ANKRD13D: variants seen among roughly 807,000 people sequenced by gnomAD.
ANKRD13D encodes ankyrin repeat domain 13D.
Under a neutral mutation model 68.8 loss-of-function variants are expected in ANKRD13D, and 24 were observed. That is an observed-to-expected ratio of 0.35 (90% CI 0.25 to 0.49). The LOEUF (loss-of-function observed/expected upper bound fraction) is 0.49. Ranked by LOEUF, ANKRD13D falls within the 20% of genes least tolerant of loss-of-function variation. ANKRD13D has a pLI of 0.99. For missense variants in ANKRD13D, 735 were observed against 832.1 expected (o/e 0.88, Z 1.44); for synonymous variants, 331 against 336.1 (o/e 0.98, Z 0.16).
In ANKRD13D at chr11:67,291,029, T is replaced by C. The variant is rs1860518567; in HGVS notation, c.352-447T>C. On this transcript the variant is annotated intron_variant, in intron 3 of 14. Transcript: ENST00000511455. ...TTGGCCCACCCTCTCCAGGGCAGAG[T>C]GGTTGGGCGTAGCTGAGCCATAGCA... The C allele has an allele frequency of 4.6e-5, 9 of 195,254 alleles. No individual in the cohort carries two copies. In the South Asian group the frequency reaches 7.3e-4, roughly 16 times the overall value. 12.1% of individuals were successfully genotyped at this position (195,254 alleles called of 1,614,324 possible).
rs1169267504 is a variant in ANKRD13D at position 67,300,069 on chromosome 11, GC to G, written c.1021del (p.Leu341TrpfsTer25). 1 of 1,613,980 alleles carries G rather than the reference GC, an allele frequency of 6.2e-7. No homozygotes were observed. Among genetic ancestry groups the G allele is most frequent in the Non-Finnish European group, 8.5e-7 (1 of 1,179,994 alleles). ...SPEEYFDPNF[S>X]LESRNIGRPI... Reference sequence around the variant, plus strand: ...GAGGAGTACTTCGACCCCAACTTCAGCCTGGAGTCACGGAACATTGGCCGCC... The same window carrying G: ...GAGGAGTACTTCGACCCCAACTTCAGCTGGAGTCACGGAACATTGGCCGCC... On this transcript the variant is annotated frameshift_variant, in exon 10 of 15. Coordinates refer to ENST00000511455, the MANE Select transcript of ANKRD13D (RefSeq NM_207354.3). LOFTEE classifies it high-confidence loss of function. The surrounding 1 kb of genome is among the most constrained non-coding windows in gnomAD (Gnocchi z 4.3).
chr11:67,296,114 G>T (rs1469571685), intron 6 of ANKRD13D, among the ~76,000 whole-genome samples: 2 of 152,092 alleles, frequency 1.3e-5, no homozygotes, highest in Non-Finnish European at 2.9e-5. Flanking sequence ...TGCTAGATTT[G>T]GTTGGTTCGT....
Position 67,301,082 on chromosome 11 carries a change from C to T in ANKRD13D, c.1166C>T (p.Ala389Val), listed in dbSNP as rs748815373. The T allele has an allele frequency of 1.9e-5, 31 of 1,613,998 alleles. No homozygotes were observed. Among genetic ancestry groups the T allele is most frequent in the Non-Finnish European group, 2.4e-5 (28 of 1,180,056 alleles). ...PIIDLMAISN[A>V]HFAKLRDFIT... ...ATCGACCTAATGGCCATCAGCAACG[C>T]TCACTTTGCCAAGCTGCGCGACTTC... Residue 389 changes from alanine to valine, a missense_variant, in exon 11 of 15, where the codon GCT (alanine) becomes GTT (valine). By Grantham distance (64) the Ala-to-Val change is moderately conservative. Transcript: ENST00000511455. The surrounding 1 kb of genome is among the most constrained non-coding windows in gnomAD (Gnocchi z 4.5).
chr11:67,300,979 C>T lies in ANKRD13D; in HGVS notation c.1074-11C>T, dbSNP rs565711671. On this transcript the variant is annotated splice_polypyrimidine_tract_variant and intron_variant, in intron 10 of 14. Transcript: ENST00000511455. This position sits in a 1 kb window ranked among gnomAD's most constrained non-coding sequence, Gnocchi z 4.3. ...CCGTGCCTCACCCATGTCCTGTGGT[C>T]GGCTGGGCAGGTTCAAGGCAACACT... is the stretch of plus-strand genomic sequence containing the variant. The T allele has an allele frequency of 2.0e-5, 32 of 1,613,194 alleles. No homozygotes were observed. The East Asian group carries it at 5.1e-4, about 26-fold the overall frequency.
At position 67,299,145 on chromosome 11, in the gene ANKRD13D, G is replaced by A. The variant is rs778713210; in HGVS notation, c.798+21G>A. The A allele has an allele frequency of 6.2e-7, 1 of 1,600,778 alleles. No homozygotes were observed. The highest frequency in any genetic ancestry group is 1.1e-5 in the South Asian group (1 of 90,806). ...CCAAGGCAGGAGAGGCTAGGGGTGG[G>A]GGGCTGGGGGTAGGAGATGAGGTCC... is the stretch of plus-strand genomic sequence containing the variant. On this transcript the variant is annotated intron_variant, in intron 7 of 14. Coordinates refer to ENST00000511455, the MANE Select transcript of ANKRD13D (RefSeq NM_207354.3). The surrounding 1 kb of genome is among the most constrained non-coding windows in gnomAD (Gnocchi z 6.2).
At position 67,291,796 on chromosome 11, in the gene ANKRD13D, C is replaced by A; in HGVS notation, c.541+50C>A. The A allele has an allele frequency of 1.9e-6, 3 of 1,600,450 alleles. No individual in the cohort carries two copies. The South Asian group carries it at 3.3e-5, about 18-fold the overall frequency. ...AGCTCCTCGGCCCTTGGGTTTCCTG[C>A]GGCTTGGGAGGACGGTGCTGCCTTT... On this transcript the variant is annotated intron_variant, in intron 5 of 14. Coordinates refer to ENST00000511455, the MANE Select transcript of ANKRD13D (RefSeq NM_207354.3).
chr11:67,301,470 C>G lies in ANKRD13D; in HGVS notation c.1349-18C>G. 1 of 1,610,670 alleles carries G rather than the reference C, an allele frequency of 6.2e-7. No individual in the cohort carries two copies. Among genetic ancestry groups the G allele is most frequent in the Non-Finnish European group, 8.5e-7 (1 of 1,178,246 alleles). On this transcript the variant is annotated intron_variant, in intron 12 of 14. Coordinates refer to ENST00000511455, the MANE Select transcript of ANKRD13D (RefSeq NM_207354.3). This position sits in a 1 kb window ranked among gnomAD's most constrained non-coding sequence, Gnocchi z 4.5. ...CAAGCCCCGCGGGTTGAGCGTGGCC[C>G]CTCTGCCACCTGCCTAGGGAACCCT...
chr11:67,292,066 A>G lies in ANKRD13D; in HGVS notation c.617A>G (p.Gln206Arg). 1 of 1,610,882 alleles carries G rather than the reference A, an allele frequency of 6.2e-7. No homozygotes were observed. The highest frequency in any genetic ancestry group is 2.2e-5 in the East Asian group (1 of 44,790). The change falls in exon 6 of 15, where the codon CAG becomes CGG. Residue 206 changes from glutamine (Q) to arginine (R), a missense_variant. Transcript: ENST00000511455. ...GTGGAGACACTGGGGCTCACTCTGC[A>G]GGAGCCCGAAACACTGCTGGCCGCC... ...VHVETLGLTL[Q>R]EPETLLAAMR...
Position 67,300,466 on chromosome 11 carries a change from GT to G in ANKRD13D, c.1073+345del. On this transcript the variant is annotated intron_variant, in intron 10 of 14. Coordinates refer to ENST00000511455, the MANE Select transcript of ANKRD13D (RefSeq NM_207354.3). The surrounding 1 kb of genome is among the most constrained non-coding windows in gnomAD (Gnocchi z 4.3). ...GCGTCTGCCTTGGTGGAACAGAACA[GT>G]TACGCTCTTGCCTCGTGAGGAGCCT... 1 of 352,608 alleles carries G rather than the reference GT, an allele frequency of 2.8e-6. No homozygotes were observed. Among genetic ancestry groups the G allele is most frequent in the Non-Finnish European group, 5.2e-6 (1 of 190,746 alleles). 21.8% of individuals were successfully genotyped at this position (352,608 alleles called of 1,614,324 possible).
rs564312056 is a variant in ANKRD13D at position 67,300,166 on chromosome 11, G to A, written c.1073+43G>A. On this transcript the variant is annotated intron_variant, in intron 10 of 14. Coordinates refer to ENST00000511455, the MANE Select transcript of ANKRD13D (RefSeq NM_207354.3). This position sits in a 1 kb window ranked among gnomAD's most constrained non-coding sequence, Gnocchi z 4.3. ...GCTGGGGACTTGCCTCGGGACAAGG[G>A]CTCTTGCAGACCCCTCTCTGGGCCT... is the stretch of plus-strand genomic sequence containing the variant. The A allele has an allele frequency of 7.5e-6, 12 of 1,610,734 alleles. No individual in the cohort carries two copies. The East Asian group carries it at 1.1e-4, about 15-fold the overall frequency.
intron 6 of ANKRD13D, 118 bp from the exon 7 acceptor site, chr11:67,298,940 A>G (rs1860866048): frequency 2.0e-6 from 2 of 1,010,146 alleles, no homozygotes; most frequent in African/African-American, 3.2e-5. Flanking sequence ...TCATAGCGAG[A>G]AGGGGCCCTG....
intron 3 of ANKRD13D, 104 bp from the exon 4 acceptor site, chr11:67,291,372 A>G (rs997694897): frequency 9.3e-6 from 11 of 1,189,006 alleles, no homozygotes; most frequent in African/African-American, 4.7e-5. Context: ...AAAAAAAAAA[A>G]AAAGACCTGA....
intron 6 of ANKRD13D, among the ~76,000 whole-genome samples, chr11:67,294,913 G>C (rs1009516923): frequency 6.6e-6 from 1 of 152,090 alleles, no homozygotes; most frequent in Non-Finnish European, 1.5e-5. Flanking sequence ...ATTGATTTCT[G>C]TATGTTGACC....
intron 6 of ANKRD13D, among the ~76,000 whole-genome samples, chr11:67,295,466 T>G (rs996340065): frequency 7.3e-5 from 11 of 151,698 alleles, no homozygotes; most frequent in African/African-American, 2.7e-4. Context: ...GGTTCACGCC[T>G]GTAATCCCAG....
At position 67,299,403 on chromosome 11, in the gene ANKRD13D, C is replaced by A; in HGVS notation, c.799-127C>A. 1.2e-6 allele frequency: 1 copy of A among 848,338 alleles called. No individual in the cohort carries two copies. Among genetic ancestry groups the A allele is most frequent in the Non-Finnish European group, 1.9e-6 (1 of 539,664 alleles). The allele number at this position is 848,338 out of a possible 1,614,324, so 52.6% of individuals were successfully genotyped here. On this transcript the variant is annotated intron_variant, in intron 7 of 14. Transcript: ENST00000511455. This position sits in a 1 kb window ranked among gnomAD's most constrained non-coding sequence, Gnocchi z 6.2. ...CTTCCTGGGGTTCAGACCCTGCCAC[C>A]TCCTCCATTTTGGGGAGCAAGATCT...
At chr11:67,292,271 G>A in intron 6 of ANKRD13D, 91 bp downstream of exon 6, 1 of 1,402,282 alleles carries the variant, frequency 7.1e-7, no homozygotes. Flanking sequence ...GAAGATCCTG[G>A]TTCAGGCCTC....
intron 6 of ANKRD13D, 168 bp from the exon 7 acceptor site, chr11:67,298,890 C>A: frequency 1.5e-6 from 1 of 669,424 alleles, no homozygotes; most frequent in Non-Finnish European, 2.7e-6. Flanking sequence ...CTCAAGTGTC[C>A]CCCCCTGTCC....
chr11:67,302,125 C>T lies in ANKRD13D; in HGVS notation c.1611C>T (p.Leu537=). ...CCCCTGCCCTGCCTGGAAGGGCCCT[C>T]CAGGAAAGCCTGCAGCTGTCCACAG... is the stretch of plus-strand genomic sequence containing the variant. The part of the protein sequence containing the change: ...YEEQLQLERA[L]QESLQLSTEP... The change falls in exon 15 of 15, where the codon CTC becomes CTT. Residue 537 remains leucine (L), a synonymous_variant. Coordinates refer to ENST00000511455, the MANE Select transcript of ANKRD13D (RefSeq NM_207354.3). The T allele has an allele frequency of 6.4e-7, 1 of 1,572,236 alleles. No homozygotes were observed. Among genetic ancestry groups the T allele is most frequent in the East Asian group, 2.3e-5 (1 of 43,110 alleles).
At chr11:67,291,184 C>T in intron 3 of ANKRD13D, 1 of 377,802 alleles carries the variant, frequency 2.6e-6, no homozygotes. Flanking sequence ...ATGGTGAAAG[C>T]CGTCTCTACA....
Sources: gnomAD v4.1 joint callset for allele counts (sites outside exome capture counted in the v4.1 genomes callset) on GRCh38, gnomAD v4.1.1 for gene constraint, Gnocchi (gnomAD v3.1) non-coding constraint, MANE v1.5 for transcripts, NCBI Gene and HGNC (gene_info 2026-07-23, HGNC 2026-07-21) for gene names.